Variants in PCDHA12 observed in about 807,000 individuals in gnomAD.
PCDHA12 encodes protocadherin alpha 12, also known as protocadherin alpha-12.
PCDHA12 carries 44 observed loss-of-function variants against 60.0 expected under a neutral mutation model. The observed-to-expected ratio is 0.73, with a 90% CI of 0.58 to 0.94. The LOEUF (loss-of-function observed/expected upper bound fraction) is 0.94, where lower values mean the gene tolerates loss of function less well. Among genes scored for constraint, PCDHA12 ranks in the 40% least tolerant of loss-of-function variants. The pLI is 0.00. For missense variants in PCDHA12, 1,276 were observed against 1,239.7 expected (o/e 1.03, Z -0.44); for synonymous variants, 569 against 553.0 (o/e 1.03, Z -0.40).
In PCDHA12 at chr5:141,010,181, C is replaced by G; in HGVS notation, c.*244C>G. The G allele has an allele frequency of 2.6e-6, 4 of 1,554,386 alleles. No individual in the cohort carries two copies. Among genetic ancestry groups the G allele is most frequent in the Non-Finnish European group, 3.5e-6 (4 of 1,148,120 alleles). On this transcript the variant is annotated 3_prime_UTR_variant, in exon 4 of 4. Transcript: ENST00000398631. ...TTGTTTTCAGAACCTAAAAAGCAGA[C>G]CCAAGTTTCCTTTCTCCTCCGCCGC... is the stretch of plus-strand genomic sequence containing the variant.
chr5:140,993,535 GAGAT>G (rs2097571300), intron 3 of PCDHA12, among the ~76,000 whole-genome samples: 1 of 151,900 alleles, frequency 6.6e-6, no homozygotes, highest in African/African-American at 2.4e-5. Context: ...GAGAGAGAGA[GAGAT>G]AGAGAAGTGA....
intron 3 of PCDHA12, among the ~76,000 whole-genome samples, chr5:141,008,057 C>T (rs1472919496): frequency 3.9e-5 from 6 of 152,020 alleles, no homozygotes; most frequent in African/African-American, 1.2e-4. Context: ...GGGGTCCAGT[C>T]CATCTAAGAA....
chr5:140,968,370 A>T (rs1169551068), intron 1 of PCDHA12: 1 of 1,613,428 alleles, frequency 6.2e-7, no homozygotes, highest in African/African-American at 1.3e-5. Flanking sequence ...TATGCTGTCA[A>T]CTCCTTTGAC....
At chr5:140,920,011 C>T (rs782647025) in intron 1 of PCDHA12, among the ~76,000 whole-genome samples, 2 of 152,088 alleles carry the variant, frequency 1.3e-5, no homozygotes, top group Non-Finnish European at 2.9e-5. Context: ...AAAGGCCATG[C>T]GAAGATGGAG....
chr5:140,982,992 A>G (rs1413932820), intron 3 of PCDHA12, among the ~76,000 whole-genome samples: 1 of 151,958 alleles, frequency 6.6e-6, no homozygotes, highest in African/African-American at 2.4e-5. Flanking sequence ...GAGAAAAAGA[A>G]GGAAAGAAAG....
intron 1 of PCDHA12, chr5:140,966,601 T>C: frequency 1.5e-6 from 1 of 652,170 alleles, no homozygotes; most frequent in East Asian, 3.4e-5. Flanking sequence ...CCAGGAGCCC[T>C]TGGGAGGGCC....
intron 1 of PCDHA12, among the ~76,000 whole-genome samples, chr5:140,881,132 T>C (rs1215831856): frequency 1.3e-5 from 2 of 152,218 alleles, no homozygotes; most frequent in African/African-American, 4.8e-5. Flanking sequence ...TTGGTAGAGA[T>C]AGTTATAACA....
At chr5:140,927,940 C>T (rs1247043975) in intron 1 of PCDHA12, 1 of 1,614,108 alleles carries the variant, frequency 6.2e-7, no homozygotes, top group African/African-American at 1.3e-5. Flanking sequence ...GAACCCAGTA[C>T]CTGAGGACGC....
At chr5:140,979,062 G>A in intron 2 of PCDHA12, 55 bp downstream of exon 2, 1 of 1,604,568 alleles carries the variant, frequency 6.2e-7, no homozygotes, top group Non-Finnish European at 8.5e-7. Flanking sequence ...GTATGGCTCA[G>A]ATAAACTGCA....
rs555714516 is a variant in PCDHA12, at chr5:140,983,025, A to T, written c.2515+462A>T. Among the ~76,000 whole-genome samples the T allele has an allele frequency of 9.9e-5, 15 of 151,964 alleles. 1 individual carries two copies. The South Asian group carries it at 2.9e-3, about 29-fold the overall frequency. ...AAGAAAAAGGAAGGAAGGAAGGAAG[A>T]TGGTTTCTCATGGAAGTGGAAAATT... On this transcript the variant is annotated intron_variant, in intron 3 of 3. Coordinates refer to ENST00000398631, the MANE Select transcript of PCDHA12 (RefSeq NM_018903.4).
chr5:140,958,135 G>A (rs868969031), intron 1 of PCDHA12, among the ~76,000 whole-genome samples: 1 of 152,036 alleles, frequency 6.6e-6, no homozygotes, highest in Non-Finnish European at 1.5e-5. Flanking sequence ...GTATCAGTGT[G>A]TATATTTATA....
intron 1 of PCDHA12, among the ~76,000 whole-genome samples, chr5:140,916,255 C>G (rs1161014900): frequency 6.6e-6 from 1 of 152,144 alleles, no homozygotes. Context: ...ACTTGGGGAC[C>G]CCAAGAGCAT....
intron 3 of PCDHA12, among the ~76,000 whole-genome samples, chr5:140,998,221 C>G (rs1478098925): frequency 1.3e-5 from 2 of 152,160 alleles, no homozygotes; most frequent in Non-Finnish European, 2.9e-5. Flanking sequence ...TAACCACACC[C>G]AGAAATTTGT....
chr5:140,949,075 C>G (rs1459435331), intron 1 of PCDHA12, among the ~76,000 whole-genome samples: 1 of 151,470 alleles, frequency 6.6e-6, no homozygotes, highest in Non-Finnish European at 1.5e-5. Flanking sequence ...ACTCTTTCAC[C>G]CATTTATTAC....
At position 140,877,494 on chromosome 5, in the gene PCDHA12, G is replaced by A; in HGVS notation, c.2022G>A (p.Gln674=). 6.2e-7 allele frequency: 1 copy of A among 1,613,890 alleles called. No individual in the cohort carries two copies. Among genetic ancestry groups the A allele is most frequent in the Non-Finnish European group, 8.5e-7 (1 of 1,179,888 alleles). ...TVLVSLVENG[Q]APKTSSRASV... ...TGGTGTCGCTGGTGGAGAACGGCCA[G>A]GCCCCAAAGACGTCGTCGCGGGCCT... The change falls in exon 1 of 4, where the codon CAG becomes CAA. Residue 674 remains glutamine, a synonymous_variant. Coordinates refer to ENST00000398631, the MANE Select transcript of PCDHA12 (RefSeq NM_018903.4).
intron 3 of PCDHA12, among the ~76,000 whole-genome samples, chr5:140,994,546 A>T (rs1168797848): frequency 6.6e-6 from 1 of 152,066 alleles, no homozygotes; most frequent in Non-Finnish European, 1.5e-5. Context: ...CTACAAAAAA[A>T]ATATAAAAAT....
At chr5:140,929,113 A>G (rs1554206696) in intron 1 of PCDHA12, 5 of 1,614,154 alleles carry the variant, frequency 3.1e-6, no homozygotes, top group East Asian at 2.2e-5. Flanking sequence ...GACATCAGCC[A>G]CCATAGATGT....
chr5:140,882,265 T>A (rs782012488), intron 1 of PCDHA12: 2 of 1,609,948 alleles, frequency 1.2e-6, no homozygotes, highest in African/African-American at 2.7e-5. Flanking sequence ...TTTTGGAGTG[T>A]ACCATGCTGT....
chr5:140,915,771 G>T (rs1351294387), intron 1 of PCDHA12, among the ~76,000 whole-genome samples: 1 of 151,922 alleles, frequency 6.6e-6, no homozygotes, highest in Non-Finnish European at 1.5e-5. Flanking sequence ...TCTTGTCCAA[G>T]GCCTGCTGTA....
Sources: allele counts gnomAD v4.1 joint callset (sites outside exome capture counted in the v4.1 genomes callset), GRCh38; gene constraint gnomAD v4.1.1; transcripts MANE v1.5; gene names NCBI Gene and HGNC (gene_info 2026-07-23, HGNC 2026-07-21).